SLC44A5: variants seen among roughly 807,000 people sequenced by gnomAD.
SLC44A5 encodes solute carrier family 44 member 5.
Under a neutral mutation model 101.8 loss-of-function variants are expected in SLC44A5, and 57 were observed. The observed-to-expected ratio is 0.56, with a 90% confidence interval of 0.45 to 0.70. SLC44A5 has a LOEUF of 0.70. Among genes scored for constraint, SLC44A5 ranks in the 30% least tolerant of loss-of-function variants. The probability of loss-of-function intolerance (pLI) is 0.00; values close to 1 mark genes in which losing one functional copy is unlikely to be tolerated. For synonymous variants in SLC44A5, 281 were observed against 290.9 expected (o/e 0.97, Z 0.35); for missense variants, 737 against 853.1 (o/e 0.86, Z 1.70).
chr1:75,354,169 A>G (rs1658894754), intron 3 of SLC44A5, among the ~76,000 whole-genome samples: 1 of 152,184 alleles, frequency 6.6e-6, no homozygotes, highest in Non-Finnish European at 1.5e-5. Flanking sequence ...CTAACCATAA[A>G]TTCCCTTGAT....
the SLC44A5 span, among the ~76,000 whole-genome samples, chr1:75,655,913 G>A: frequency 6.6e-6 from 1 of 152,058 alleles, no homozygotes; most frequent in African/African-American, 2.4e-5. Context: ...GAAGGTCAAA[G>A]AATACAAAGA....
the SLC44A5 span, among the ~76,000 whole-genome samples, chr1:75,638,610 T>C: frequency 6.6e-6 from 1 of 152,084 alleles, no homozygotes; most frequent in African/African-American, 2.4e-5. Context: ...ATAAAGTTTC[T>C]CAAGCAACCC....
At chr1:75,722,228 T>C in the SLC44A5 span, among the ~76,000 whole-genome samples, 17 of 152,234 alleles carry the variant, frequency 1.1e-4, no homozygotes, top group African/African-American at 4.1e-4. Flanking sequence ...AGGCCGATAG[T>C]ACGAGTATGG....
the SLC44A5 span, among the ~76,000 whole-genome samples, chr1:75,666,633 C>CA: frequency 1.3e-5 from 2 of 151,966 alleles, no homozygotes; most frequent in Non-Finnish European, 2.9e-5. Flanking sequence ...AGAGACACAA[C>CA]AAAAAAATAA....
At chr1:75,461,140 A>G (rs953060233) in intron 2 of SLC44A5, among the ~76,000 whole-genome samples, 8 of 152,254 alleles carry the variant, frequency 5.3e-5, no homozygotes, top group African/African-American at 1.9e-4. Context: ...TACAAAGATT[A>G]TATAGCAACA....
At position 75,213,800 on chromosome 1, in the gene SLC44A5, T is replaced by C; in HGVS notation, c.1874-7A>G. 1 of 1,603,850 alleles carries C rather than the reference T, an allele frequency of 6.2e-7. No homozygotes were observed. The highest frequency in any genetic ancestry group is 8.5e-7 in the Non-Finnish European group (1 of 1,171,012). ...AATAGGAAGGCCAGAACACCTACAT[T>C]GAAAAGGTAGAACATGTATATTATA... is the stretch of plus-strand genomic sequence containing the variant. On this transcript the variant is annotated splice_region_variant and splice_polypyrimidine_tract_variant and intron_variant, in intron 21 of 23. Transcript: ENST00000370859.
At chr1:75,251,123 C>T (rs1478987535) in intron 7 of SLC44A5, 87 bp downstream of exon 7, 1 of 1,056,896 alleles carries the variant, frequency 9.5e-7, no homozygotes, top group Non-Finnish European at 1.5e-6. Flanking sequence ...CGCACACACA[C>T]AGAGAACTCA....
chr1:75,481,801 TTGG>T (rs1246105650), intron 2 of SLC44A5, among the ~76,000 whole-genome samples: 3 of 152,176 alleles, frequency 2.0e-5, no homozygotes, highest in East Asian at 1.9e-4. Flanking sequence ...TTTTACACTA[TTGG>T]TGGGAGTGTA....
At chr1:75,570,471 T>C (rs1338578640) in intron 1 of SLC44A5, among the ~76,000 whole-genome samples, 1 of 152,166 alleles carries the variant, frequency 6.6e-6, no homozygotes, top group African/African-American at 2.4e-5. Flanking sequence ...AATCCCCATC[T>C]AGATAGGATT....
the SLC44A5 span, among the ~76,000 whole-genome samples, chr1:75,697,742 G>A: frequency 2.1e-3 from 327 of 152,326 alleles, no homozygotes; most frequent in Middle Eastern, 3.4e-3. Flanking sequence ...CTGAGGTACC[G>A]GGTTCATCTC....
chr1:75,280,155 AT>A, intron 5 of SLC44A5, among the ~76,000 whole-genome samples: 2 of 332 alleles, frequency 6.0e-3, no homozygotes, highest in Non-Finnish European at 8.9e-3. Flanking sequence ...TATTGTATAT[AT>A]TATATATTGT....
chr1:75,543,915 TGACTCAAGCCAAA>T (rs1407524080), intron 1 of SLC44A5, among the ~76,000 whole-genome samples: 1 of 152,034 alleles, frequency 6.6e-6, no homozygotes, highest in Admixed American at 6.6e-5. Context: ...CTGTGATGAG[TGACTCAAGCCAAA>T]GATAACATCT....
At chr1:75,599,282 G>C (rs1346219421) in intron 1 of SLC44A5, among the ~76,000 whole-genome samples, 2 of 152,124 alleles carry the variant, frequency 1.3e-5, no homozygotes, top group African/African-American at 2.4e-5. Flanking sequence ...ACAGTTTCTA[G>C]ACAACTAGCT....
At chr1:75,326,739 T>A (rs1656628198) in intron 4 of SLC44A5, among the ~76,000 whole-genome samples, 1 of 152,186 alleles carries the variant, frequency 6.6e-6, no homozygotes. Flanking sequence ...GAGATGGAGT[T>A]TCATTTCCTC....
the SLC44A5 span, among the ~76,000 whole-genome samples, chr1:75,652,200 C>T: frequency 6.6e-6 from 1 of 152,138 alleles, no homozygotes; most frequent in Non-Finnish European, 1.5e-5. Flanking sequence ...GTAGACAGCT[C>T]ACCCCAAGGG....
At chr1:75,472,677 C>T (rs1667175945) in intron 2 of SLC44A5, among the ~76,000 whole-genome samples, 1 of 152,116 alleles carries the variant, frequency 6.6e-6, no homozygotes, top group African/African-American at 2.4e-5. Flanking sequence ...ACTGTGCTCT[C>T]TTTAGATAAT....
chr1:75,671,526 A>T, the SLC44A5 span, among the ~76,000 whole-genome samples: 1 of 152,210 alleles, frequency 6.6e-6, no homozygotes, highest in African/African-American at 2.4e-5. Flanking sequence ...AAAGCAGAAA[A>T]TCATAAAACT....
At chr1:75,638,136 T>C in the SLC44A5 span, among the ~76,000 whole-genome samples, 2 of 151,998 alleles carry the variant, frequency 1.3e-5, no homozygotes, top group Non-Finnish European at 2.9e-5. Context: ...CTCTATGCAG[T>C]AAATATGATA....
chr1:75,566,377 T>C (rs1333868137), intron 1 of SLC44A5, among the ~76,000 whole-genome samples: 2 of 152,172 alleles, frequency 1.3e-5, no homozygotes, highest in East Asian at 3.8e-4. Flanking sequence ...GTCTGTGAAA[T>C]AAAAGGCCAG....
Sources: gnomAD v4.1 joint callset for allele counts (sites outside exome capture counted in the v4.1 genomes callset) on GRCh38, gnomAD v4.1.1 for gene constraint, MANE v1.5 for transcripts, NCBI Gene and HGNC (gene_info 2026-07-23, HGNC 2026-07-21) for gene names.